Variants in FRMD4B observed in about 807,000 individuals in gnomAD.
FRMD4B encodes the protein FERM domain-containing protein 4B.
A neutral mutation model predicts 141.5 loss-of-function variants in FRMD4B; 74 were observed. The observed-to-expected ratio is 0.52, with a 90% CI of 0.43 to 0.63. The LOEUF (loss-of-function observed/expected upper bound fraction) is 0.63, where lower values mean the gene tolerates loss of function less well. FRMD4B is among the 30% of genes least tolerant of loss of function. The pLI, the probability that FRMD4B is intolerant of heterozygous loss-of-function variation, is 0.00. For missense variants in FRMD4B, 1,366 were observed against 1,253.4 expected (o/e 1.09, Z -1.36); for synonymous variants, 506 against 467.9 (o/e 1.08, Z -1.05).
At chr3:69,201,208 G>A (rs1024243724) in intron 11 of FRMD4B, among the ~76,000 whole-genome samples, 14 of 151,988 alleles carry the variant, frequency 9.2e-5, no homozygotes, top group African/African-American at 2.9e-4. Context: ...TTTCATATAT[G>A]TGCATATAAT....
intron 5 of FRMD4B, among the ~76,000 whole-genome samples, chr3:69,281,203 G>A (rs971489335): frequency 2.6e-5 from 4 of 152,136 alleles, no homozygotes; most frequent in African/African-American, 4.8e-5. Flanking sequence ...CAAAAGTGCC[G>A]GGATTACAGG....
intron 5 of FRMD4B, among the ~76,000 whole-genome samples, chr3:69,266,910 C>T (rs2093564639): frequency 6.6e-6 from 1 of 152,174 alleles, no homozygotes; most frequent in Non-Finnish European, 1.5e-5. Flanking sequence ...CACCTCAACT[C>T]AAACAAGACA....
intron 1 of FRMD4B, among the ~76,000 whole-genome samples, chr3:69,481,342 C>T (rs376906246): frequency 6.6e-5 from 10 of 152,146 alleles, no homozygotes; most frequent in South Asian, 2.1e-4. Flanking sequence ...TGTTCCTATT[C>T]GGCCATCTTG....
At chr3:69,522,121 G>A (rs1488680981) in intron 1 of FRMD4B, among the ~76,000 whole-genome samples, 1 of 151,952 alleles carries the variant, frequency 6.6e-6, no homozygotes, top group Non-Finnish European at 1.5e-5. Context: ...GTCAAAGACT[G>A]CCATTTTAGA....
chr3:69,517,667 C>G (rs1208036430), intron 1 of FRMD4B, among the ~76,000 whole-genome samples: 1 of 152,142 alleles, frequency 6.6e-6, no homozygotes, highest in Non-Finnish European at 1.5e-5. Context: ...GGCTTCCTGA[C>G]TCCAATCTTC....
chr3:69,205,836 T>C (rs914568986), intron 11 of FRMD4B, among the ~76,000 whole-genome samples: 2 of 152,172 alleles, frequency 1.3e-5, no homozygotes, highest in Non-Finnish European at 2.9e-5. Flanking sequence ...TGATGAAGGA[T>C]TTAACAATTT....
intron 7 of FRMD4B, among the ~76,000 whole-genome samples, chr3:69,242,805 C>G (rs2093395816): frequency 6.6e-6 from 1 of 151,220 alleles, no homozygotes; most frequent in African/African-American, 2.4e-5. Flanking sequence ...CCAGCCTGGC[C>G]AACATGGTGA....
At chr3:69,444,974 C>T (rs1175635992) in intron 1 of FRMD4B, among the ~76,000 whole-genome samples, 4 of 152,116 alleles carry the variant, frequency 2.6e-5, no homozygotes, top group Non-Finnish European at 4.4e-5. Context: ...TTTTTAGACT[C>T]CTGGGCTCCA....
chr3:69,363,248 GT>G (rs56074743), intron 1 of FRMD4B, among the ~76,000 whole-genome samples: 11 of 132,724 alleles, frequency 8.3e-5, no homozygotes, highest in Admixed American at 1.5e-4. Flanking sequence ...TTTTTACCAT[GT>G]TTTTTTTTTT....
chr3:69,424,416 C>A (rs150806558), intron 2 of FRMD4B, among the ~76,000 whole-genome samples: 45 of 152,256 alleles, frequency 3.0e-4, no homozygotes, highest in African/African-American at 1.1e-3. Flanking sequence ...GCTTTGGCCT[C>A]CCAAAGAGAT....
intron 1 of FRMD4B, among the ~76,000 whole-genome samples, chr3:69,372,582 C>T (rs892990286): frequency 5.3e-5 from 8 of 152,056 alleles, no homozygotes; most frequent in African/African-American, 1.4e-4. Context: ...GGAGAATCAC[C>T]GGAACCTGGG....
At chr3:69,194,968 A>G in intron 16 of FRMD4B, 54 bp downstream of exon 16, 1 of 1,544,502 alleles carries the variant, frequency 6.5e-7, no homozygotes, top group Non-Finnish European at 8.8e-7. Context: ...CACTACACTC[A>G]GACAGCTTTC....
chr3:69,540,470 C>T (rs1323555893), intron 1 of FRMD4B, among the ~76,000 whole-genome samples: 12 of 150,560 alleles, frequency 8.0e-5, no homozygotes. Flanking sequence ...AAAAATTAGC[C>T]AGGCGTGGTG....
At chr3:69,267,577 ATGTGTGTG>A (rs757634766) in intron 5 of FRMD4B, among the ~76,000 whole-genome samples, 26 of 45,370 alleles carry the variant, frequency 5.7e-4, no homozygotes, top group Admixed American at 1.1e-3. Context: ...ATATATATAT[ATGTGTGTG>A]TGTGTGTGTG....
chr3:69,220,724 C>G (rs946468012), intron 9 of FRMD4B, among the ~76,000 whole-genome samples: 2 of 152,074 alleles, frequency 1.3e-5, no homozygotes, highest in African/African-American at 2.4e-5. Context: ...TGGTGGCATG[C>G]GCCTGTATCA....
chr3:69,498,637 C>G (rs988331226), intron 1 of FRMD4B, among the ~76,000 whole-genome samples: 2 of 152,166 alleles, frequency 1.3e-5, no homozygotes, highest in African/African-American at 4.8e-5. Context: ...ACCCATATAA[C>G]TTTCATAGCT....
intron 1 of FRMD4B, among the ~76,000 whole-genome samples, chr3:69,493,862 T>C (rs944623540): frequency 6.6e-6 from 1 of 152,160 alleles, no homozygotes; most frequent in South Asian, 2.1e-4. Flanking sequence ...TCCTATGACA[T>C]ATCTTGTTCA....
chr3:69,356,356 T>C (rs1703323063), intron 1 of FRMD4B, among the ~76,000 whole-genome samples: 1 of 151,984 alleles, frequency 6.6e-6, no homozygotes, highest in Admixed American at 6.6e-5. Flanking sequence ...GTGGCCAGAA[T>C]ATAAAGCAGG....
chr3:69,493,970 G>C (rs1325804761), intron 1 of FRMD4B, among the ~76,000 whole-genome samples: 1 of 152,110 alleles, frequency 6.6e-6, no homozygotes, highest in Admixed American at 6.5e-5. Context: ...TCAAACTCTT[G>C]GCCTCAAGCC....
Sources: gnomAD v4.1 joint callset for allele counts (sites outside exome capture counted in the v4.1 genomes callset) on GRCh38, gnomAD v4.1.1 for gene constraint, MANE v1.5 for transcripts, NCBI Gene and HGNC (gene_info 2026-07-23, HGNC 2026-07-21) for gene names.